The following ASAP3 variants were observed in gnomAD, a reference collection of about 807,000 sequenced individuals.
ASAP3 encodes the protein arf-GAP with SH3 domain, ANK repeat and PH domain-containing protein 3.
A neutral mutation model predicts 118.2 loss-of-function variants in ASAP3; 85 were observed. The observed-to-expected ratio is 0.72, with a 90% CI of 0.60 to 0.86. ASAP3 has a LOEUF of 0.86. ASAP3 is among the 40% of genes least tolerant of loss of function. The pLI, the probability that ASAP3 is intolerant of heterozygous loss-of-function variation, is 0.00. For missense variants in ASAP3, 1,026 were observed against 1,175.0 expected (o/e 0.87, Z 1.85); for synonymous variants, 432 against 477.4 (o/e 0.90, Z 1.24).
intron 1 of ASAP3, among the ~76,000 whole-genome samples, chr1:23,483,101 G>A (rs946631414): frequency 4.6e-5 from 7 of 152,196 alleles, no homozygotes; most frequent in African/African-American, 9.7e-5. Flanking sequence ...TCCTGACACT[G>A]GCGCAGGGTG....
intron 1 of ASAP3, among the ~76,000 whole-genome samples, chr1:23,458,324 G>C (rs551826296): frequency 6.6e-6 from 1 of 152,176 alleles, no homozygotes; most frequent in Admixed American, 6.5e-5. Context: ...CTACCGAAAA[G>C]AAAAAATAAA....
At chr1:23,474,318 T>C (rs889455168) in intron 1 of ASAP3, among the ~76,000 whole-genome samples, 1 of 152,038 alleles carries the variant, frequency 6.6e-6, no homozygotes, top group Non-Finnish European at 1.5e-5. Flanking sequence ...TGTGTCTCTG[T>C]CATTGTCTTA....
intron 24 of ASAP3, among the ~76,000 whole-genome samples, 159 bp downstream of exon 24, chr1:23,430,876 C>T (rs1183803954): frequency 6.6e-6 from 1 of 152,192 alleles, no homozygotes; most frequent in African/African-American, 2.4e-5. Context: ...CCGTGCCCAC[C>T]TGGGCACCAG....
At chr1:23,471,812 C>T (rs1641969087) in intron 1 of ASAP3, among the ~76,000 whole-genome samples, 1 of 152,230 alleles carries the variant, frequency 6.6e-6, no homozygotes, top group Non-Finnish European at 1.5e-5. Context: ...TCCTGCCCAG[C>T]AGACACCTTC....
At chr1:23,441,299 A>AG in intron 9 of ASAP3, 88 bp from the exon 10 acceptor site, 3 of 1,604,106 alleles carry the variant, frequency 1.9e-6, no homozygotes, top group Non-Finnish European at 2.6e-6. Context: ...AGACTTCTCC[A>AG]GGGGACCCTG....
intron 5 of ASAP3, among the ~76,000 whole-genome samples, chr1:23,444,470 G>T (rs1000644314): frequency 1.7e-4 from 26 of 152,364 alleles, no homozygotes; most frequent in African/African-American, 6.3e-4. Flanking sequence ...GACAGAGTGG[G>T]ATTAATACAA....
At position 23,429,892 on chromosome 1, in the gene ASAP3, A is replaced by G. The variant is rs1440819644; in HGVS notation, c.2676T>C (p.Ser892=). The change falls in exon 25 of 25, where the codon AGT becomes AGC. Residue 892 remains serine (S), a synonymous_variant. Coordinates refer to ENST00000336689, the MANE Select transcript of ASAP3 (RefSeq NM_017707.4). ...ITEGDGSRTG[S]LPASSVQLLQ... ...AAAGTTGCACAGAACTTGCTGGGAG[A>G]CTCCCAGTCCTTGAGCCATCTCCTT... 1 of 1,613,852 alleles carries G rather than the reference A, an allele frequency of 6.2e-7. No individual in the cohort carries two copies. Among genetic ancestry groups the G allele is most frequent in the Admixed American group, 1.7e-5 (1 of 59,980 alleles).
At chr1:23,483,855 T>A (rs1267977572) in intron 1 of ASAP3, 150 bp downstream of exon 1, 2 of 855,552 alleles carry the variant, frequency 2.3e-6, no homozygotes, top group Non-Finnish European at 3.1e-6. Context: ...GACGCAGCTG[T>A]TGGAGATGCG....
chr1:23,437,275 G>A lies in ASAP3; in HGVS notation c.1197C>T (p.Ser399=), dbSNP rs776982932. The A allele has an allele frequency of 3.7e-6, 6 of 1,601,228 alleles. No individual in the cohort carries two copies. Among genetic ancestry groups the A allele is most frequent in the South Asian group, 1.1e-5 (1 of 89,732 alleles). ...LQNSKDEALS[S]AFLGEPSAGP... ...CAGCGCTGGGCTCCCCGAGGAAGGC[G>A]CTGCTCAGGGCTTCGTCCTTGCTGT... Residue 399 remains serine (S), a synonymous_variant, in exon 14 of 25, where the codon AGC becomes AGT. Transcript: ENST00000336689. This position sits in a 1 kb window ranked among gnomAD's most constrained non-coding sequence, Gnocchi z 6.1.
intron 11 of ASAP3, 72 bp downstream of exon 11, chr1:23,439,089 C>T (rs1640775990): frequency 6.4e-7 from 1 of 1,567,806 alleles, no homozygotes; most frequent in Non-Finnish European, 8.8e-7. Context: ...GAGGGCTTGA[C>T]ATTATTTGCT....
intron 1 of ASAP3, among the ~76,000 whole-genome samples, chr1:23,466,117 C>G (rs1240088368): frequency 6.6e-6 from 1 of 152,148 alleles, no homozygotes; most frequent in African/African-American, 2.4e-5. Context: ...AGGCTGGCCT[C>G]AGAGAGGATT....
intron 5 of ASAP3, among the ~76,000 whole-genome samples, chr1:23,445,537 C>A (rs1291733091): frequency 2.0e-5 from 3 of 151,784 alleles, no homozygotes; most frequent in Non-Finnish European, 2.9e-5. Flanking sequence ...ATCAGGTGGG[C>A]TGGCGTAGGG....
chr1:23,467,764 A>G (rs181046171), intron 1 of ASAP3, among the ~76,000 whole-genome samples: 14 of 152,014 alleles, frequency 9.2e-5, no homozygotes, highest in African/African-American at 2.7e-4. Context: ...ACCCTGGTCA[A>G]GAGGGTGAAA....
chr1:23,435,284 C>A (rs1036879502), intron 17 of ASAP3, among the ~76,000 whole-genome samples: 3 of 152,250 alleles, frequency 2.0e-5, no homozygotes, highest in African/African-American at 7.2e-5. Flanking sequence ...TCACTTTGGC[C>A]TCCCAAAGTG....
At chr1:23,446,690 G>A (rs11803901) in intron 5 of ASAP3, among the ~76,000 whole-genome samples, 3,130 of 152,068 alleles carry the variant, frequency 0.021, 112 homozygotes, top group African/African-American at 0.069. Flanking sequence ...TGCCTGCCTC[G>A]GCCTCCCAAA....
At position 23,456,203 on chromosome 1, in the gene ASAP3, A is replaced by C. The variant is rs1279589712; in HGVS notation, c.130-9T>G. 5 of 1,613,568 alleles carry C rather than the reference A, an allele frequency of 3.1e-6. No individual in the cohort carries two copies. The African/African-American group carries it at 6.7e-5, about 22-fold the overall frequency. ...TGGTCTCCTTCCAAGATCTGGAAGC[A>C]AATGTGGACAGAGGTTCAGGGATGC... is the stretch of plus-strand genomic sequence containing the variant. On this transcript the variant is annotated splice_polypyrimidine_tract_variant and intron_variant, in intron 1 of 24. Transcript: ENST00000336689.
At chr1:23,466,119 G>A (rs1641762421) in intron 1 of ASAP3, among the ~76,000 whole-genome samples, 1 of 152,194 alleles carries the variant, frequency 6.6e-6, no homozygotes, top group South Asian at 2.1e-4. Flanking sequence ...GCTGGCCTCA[G>A]AGAGGATTCC....
At chr1:23,458,218 T>C (rs775860185) in intron 1 of ASAP3, among the ~76,000 whole-genome samples, 45 of 152,302 alleles carry the variant, frequency 3.0e-4, no homozygotes, top group Admixed American at 9.2e-4. Flanking sequence ...TGGTGGCTCA[T>C]GCCTATAATC....
intron 22 of ASAP3, among the ~76,000 whole-genome samples, chr1:23,432,432 T>G (rs1218486138): frequency 6.6e-6 from 1 of 152,194 alleles, no homozygotes; most frequent in African/African-American, 2.4e-5. Context: ...TTGCTTGTGC[T>G]CATACCCTGT....
Sources: gnomAD v4.1 joint callset for allele counts (sites outside exome capture counted in the v4.1 genomes callset) on GRCh38, gnomAD v4.1.1 for gene constraint, Gnocchi (gnomAD v3.1) non-coding constraint, MANE v1.5 for transcripts, NCBI Gene and HGNC (gene_info 2026-07-23, HGNC 2026-07-21) for gene names.